Variants in CD58 observed in about 807,000 individuals in gnomAD.
CD58 encodes lymphocyte function-associated antigen 3.
In CD58, 14 loss-of-function variants were observed where a neutral mutation model predicts 27.6. The ratio of observed to expected loss-of-function variants is 0.51; its 90% CI spans 0.34 to 0.79. The LOEUF (loss-of-function observed/expected upper bound fraction) is 0.79, where lower values mean the gene tolerates loss of function less well. Among genes scored for constraint, CD58 ranks in the 30% least tolerant of loss-of-function variants. The pLI is 0.02. For missense variants in CD58, 268 were observed against 301.7 expected, an observed-to-expected ratio of 0.89 and a Z score of 0.83; for synonymous variants, 117 against 103.8, an observed-to-expected ratio of 1.13 and a Z score of -0.77.
At position 116,516,806 on chromosome 1, in the gene CD58, G is replaced by A. The variant is rs1018773958; in HGVS notation, c.744-1984C>T. On this transcript the variant is annotated intron_variant, in intron 5 of 5. Coordinates refer to ENST00000369489, the MANE Select transcript of CD58 (RefSeq NM_001779.3). This position sits in a 1 kb window ranked among gnomAD's most constrained non-coding sequence, Gnocchi z 6.1. Reference sequence around the variant, plus strand: ...CCTATCACCTGTGCTTCCTGCCTAAGTCCTTCTAAGAGTTTCGTATGCTCA... The same window carrying A: ...CCTATCACCTGTGCTTCCTGCCTAAATCCTTCTAAGAGTTTCGTATGCTCA... Among the ~76,000 whole-genome samples, 2 of 152,066 alleles carry A rather than the reference G, an allele frequency of 1.3e-5. No homozygotes were observed. The highest frequency in any genetic ancestry group is 2.4e-5 in the African/African-American group (1 of 41,400).
chr1:116,566,458 A>G (rs1444850762), intron 1 of CD58, among the ~76,000 whole-genome samples: 2 of 152,148 alleles, frequency 1.3e-5, no homozygotes, highest in African/African-American at 4.8e-5. Context: ...AGAAGCAATG[A>G]CTCTGGTACC....
intron 1 of CD58, among the ~76,000 whole-genome samples, chr1:116,569,450 T>C (rs1280642479): frequency 3.9e-5 from 6 of 152,102 alleles, no homozygotes; most frequent in African/African-American, 1.4e-4. Flanking sequence ...CTCAGCAATC[T>C]TTTCCCACAT....
At chr1:116,542,039 G>A (rs1439241401) in intron 2 of CD58, among the ~76,000 whole-genome samples, 1 of 152,212 alleles carries the variant, frequency 6.6e-6, no homozygotes, top group African/African-American at 2.4e-5. Flanking sequence ...AACACTTTGG[G>A]AGGCCAAGGC....
intron 5 of CD58, 144 bp from the exon 6 acceptor site, chr1:116,514,966 TGGAG>T: frequency 1.7e-6 from 1 of 587,602 alleles, no homozygotes; most frequent in Non-Finnish European, 3.1e-6. Context: ...GGAGCAGGGA[TGGAG>T]GAAGAACTGC....
chr1:116,565,735 T>G (rs58947164), intron 1 of CD58, among the ~76,000 whole-genome samples: 5,551 of 151,016 alleles, frequency 0.037, 360 homozygotes, highest in African/African-American at 0.13. Flanking sequence ...TTGTTTTTTT[T>G]TTTTGAGACA....
chr1:116,557,543 AG>A lies in CD58; in HGVS notation c.71-12940del, dbSNP rs1450985196. Among the ~76,000 whole-genome samples, 1 of 152,252 alleles carries A rather than the reference AG, an allele frequency of 6.6e-6. No homozygotes were observed. The highest frequency in any genetic ancestry group is 1.5e-5 in the Non-Finnish European group (1 of 68,040). Reference sequence around the variant, plus strand: ...AAACTTGTACCCACTCATGGATGTCAGCCCCAATCAAACTTAACAGCCTCGC... The same window carrying A: ...AAACTTGTACCCACTCATGGATGTCACCCCAATCAAACTTAACAGCCTCGC... On this transcript the variant is annotated intron_variant, in intron 1 of 5. Coordinates refer to ENST00000369489, the MANE Select transcript of CD58 (RefSeq NM_001779.3). The surrounding 1 kb of genome is among the most constrained non-coding windows in gnomAD (Gnocchi z 5.2).
intron 1 of CD58, among the ~76,000 whole-genome samples, chr1:116,560,455 TAGATACTCA>T (rs1177076933): frequency 6.6e-6 from 1 of 152,238 alleles, no homozygotes; most frequent in East Asian, 1.9e-4. Context: ...TGTTATTTTC[TAGATACTCA>T]GTTCATCGTT....
chr1:116,518,930 T>A lies in CD58; in HGVS notation c.743+301A>T, dbSNP rs145970247. 2.3e-3 allele frequency: 2,279 copies of A among 1,007,786 alleles called. 4 individuals are homozygous for A. Among genetic ancestry groups the A allele is most frequent in the Middle Eastern group, 4.2e-3 (11 of 2,610 alleles). The allele number at this position is 1,007,786 out of a possible 1,614,324, so 62.4% of individuals were successfully genotyped here. On this transcript the variant is annotated intron_variant, in intron 5 of 5. Coordinates refer to ENST00000369489, the MANE Select transcript of CD58 (RefSeq NM_001779.3). ...CCCATCACTTACTAGCAACGTGACT[T>A]TGATATCTCACTTGACTTCTATGAA...
At position 116,538,704 on chromosome 1, in the gene CD58, G is replaced by A. The variant is rs890930186; in HGVS notation, c.365-2476C>T. The stretch of plus-strand genomic sequence containing the variant: ...CATCCAGCACTTTCTGAACTGAACA[G>A]AGGTGCATCATCAGCCCCAGAGACT... On this transcript the variant is annotated intron_variant, in intron 2 of 5. Coordinates refer to ENST00000369489, the MANE Select transcript of CD58 (RefSeq NM_001779.3). This position sits in a 1 kb window ranked among gnomAD's most constrained non-coding sequence, Gnocchi z 4.7. Among the ~76,000 whole-genome samples, 11 of 152,162 alleles carry A rather than the reference G, an allele frequency of 7.2e-5. No individual in the cohort carries two copies. The highest frequency in any genetic ancestry group is 5.9e-4 in the Admixed American group (9 of 15,268).
chr1:116,545,633 A>G (rs1263934464), intron 1 of CD58, among the ~76,000 whole-genome samples: 1 of 152,196 alleles, frequency 6.6e-6, no homozygotes, highest in African/African-American at 2.4e-5. Context: ...ATGAAGATTA[A>G]GAACTCAGGG....
Position 116,568,055 on chromosome 1 carries a change from C to CAAAAAA in CD58, c.70+2842_70+2847dup, listed in dbSNP as rs34531651. Among the ~76,000 whole-genome samples, 39 of 81,640 alleles carry CAAAAAA rather than the reference C, an allele frequency of 4.8e-4. 1 individual carries two copies. The highest frequency in any genetic ancestry group is 5.3e-4 in the Non-Finnish European group (21 of 39,972). The allele number at this position is 81,640 out of a possible 152,430, so 53.6% of individuals were successfully genotyped here. A position where few individuals can be genotyped will look rare whatever the true frequency, so the allele number is the denominator to read the frequency against. ...CAAAAATGATGATGTCTTAAAGTACCAAAAAAAAAAAAAAAAAAAAGCAAC... is the reference window on the plus strand; with the variant it reads ...CAAAAATGATGATGTCTTAAAGTACCAAAAAAAAAAAAAAAAAAAAAAAAAAGCAAC... On this transcript the variant is annotated intron_variant, in intron 1 of 5. Transcript: ENST00000369489.
At chr1:116,537,319 C>T (rs758955938) in intron 2 of CD58, among the ~76,000 whole-genome samples, 6 of 152,144 alleles carry the variant, frequency 3.9e-5, no homozygotes, top group Non-Finnish European at 7.4e-5. Flanking sequence ...GGGTGCTCCC[C>T]ATAATTAAGT....
chr1:116,514,730 G>T lies in CD58; in HGVS notation c.*83C>A. ...CATTTCCAACAGTTGTTCAAAAATT[G>T]TAATACTCAAATGAGAAATCAGATG... On this transcript the variant is annotated 3_prime_UTR_variant, in exon 6 of 6. Transcript: ENST00000369489. 2 of 861,038 alleles carry T rather than the reference G, an allele frequency of 2.3e-6. No individual in the cohort carries two copies. The highest frequency in any genetic ancestry group is 1.8e-6 in the Non-Finnish European group (1 of 540,726). 53.3% of individuals were successfully genotyped at this position (861,038 alleles called of 1,614,324 possible).
intron 1 of CD58, among the ~76,000 whole-genome samples, chr1:116,547,621 G>A (rs1010936940): frequency 8.6e-5 from 13 of 151,884 alleles, no homozygotes; most frequent in Admixed American, 6.6e-5. Context: ...GAGCCACCGC[G>A]CCTGGCCTAT....
At chr1:116,544,630 G>GA (rs376034918) in intron 1 of CD58, 26 bp from the exon 2 acceptor site, 9 of 1,511,130 alleles carry the variant, frequency 6.0e-6, no homozygotes, top group African/African-American at 1.4e-5. Context: ...AAATTGGTTA[G>GA]AAAAAACAAC....
At chr1:116,553,631 G>C (rs1354660484) in intron 1 of CD58, among the ~76,000 whole-genome samples, 1 of 152,150 alleles carries the variant, frequency 6.6e-6, no homozygotes, top group Non-Finnish European at 1.5e-5. Context: ...CATGCTTTCA[G>C]TTTGACACTG....
chr1:116,540,467 C>G (rs1307935040), intron 2 of CD58, among the ~76,000 whole-genome samples: 1 of 152,194 alleles, frequency 6.6e-6, no homozygotes, highest in East Asian at 1.9e-4. Flanking sequence ...CTTGGACCCT[C>G]TATCTACCTG....
Position 116,515,174 on chromosome 1 carries a change from CATGA to C in CD58, c.744-356_744-353del. Among the ~76,000 whole-genome samples, 1 of 152,340 alleles carries C rather than the reference CATGA, an allele frequency of 6.6e-6. No homozygotes were observed. The highest frequency in any genetic ancestry group is 1.5e-5 in the Non-Finnish European group (1 of 68,024). On this transcript the variant is annotated intron_variant, in intron 5 of 5. Coordinates refer to ENST00000369489, the MANE Select transcript of CD58 (RefSeq NM_001779.3). The surrounding 1 kb of genome is among the most constrained non-coding windows in gnomAD (Gnocchi z 4.6). ...GTAACAGCTACTTCCTTCTTTGCTA[CATGA>C]AACTCCTGGGGATGGTTTTCTTCCT... is the stretch of plus-strand genomic sequence containing the variant.
rs1351756243 is a variant in CD58, at chr1:116,552,036, G to T, written c.71-7432C>A. 6.6e-6 allele frequency among the ~76,000 whole-genome samples: 1 copy of T among 152,120 alleles called. No individual in the cohort carries two copies. On this transcript the variant is annotated intron_variant, in intron 1 of 5. Transcript: ENST00000369489. This position sits in a 1 kb window ranked among gnomAD's most constrained non-coding sequence, Gnocchi z 4.5. Reference sequence around the variant, plus strand: ...ATTACAGTTGTGAGCCACCACGCCCGGCCACCTGTCATGGCTTTTCACATG... The same window carrying T: ...ATTACAGTTGTGAGCCACCACGCCCTGCCACCTGTCATGGCTTTTCACATG...
Sources: allele counts gnomAD v4.1 joint callset (sites outside exome capture counted in the v4.1 genomes callset), GRCh38; gene constraint gnomAD v4.1.1; non-coding constraint Gnocchi (gnomAD v3.1); transcripts MANE v1.5; gene names NCBI Gene and HGNC (gene_info 2026-07-23, HGNC 2026-07-21).